Variants in ST18 observed in about 807,000 individuals in gnomAD.
The protein encoded by ST18 is ST18 C2H2C-type zinc finger transcription factor.
ST18 carries 50 observed loss-of-function variants against 110.0 expected under a neutral mutation model. The observed-to-expected ratio is 0.45, with a 90% CI of 0.36 to 0.58. The LOEUF is 0.58. Among genes scored for constraint, ST18 ranks in the 20% least tolerant of loss-of-function variants. The pLI, the probability that ST18 is intolerant of heterozygous loss-of-function variation, is 0.00. For synonymous variants in ST18, 461 were observed against 452.4 expected, an observed-to-expected ratio of 1.02 and a Z score of -0.24; for missense variants, 1,306 against 1,280.1, an observed-to-expected ratio of 1.02 and a Z score of -0.31.
chr8:52,241,022 C>T (rs1032799485), intron 2 of ST18, among the ~76,000 whole-genome samples: 3 of 152,210 alleles, frequency 2.0e-5, no homozygotes, highest in Admixed American at 6.5e-5. Flanking sequence ...CAACCTCTTC[C>T]TTCTGAATCT....
intron 3 of ST18, among the ~76,000 whole-genome samples, chr8:52,225,152 T>C (rs553656907): frequency 2.1e-4 from 32 of 152,364 alleles, no homozygotes; most frequent in African/African-American, 7.5e-4. Flanking sequence ...AACATAGATC[T>C]CTTCTCCTTA....
intron 2 of ST18, among the ~76,000 whole-genome samples, chr8:52,243,688 G>A (rs760250595): frequency 5.3e-5 from 8 of 152,200 alleles, no homozygotes; most frequent in Admixed American, 2.0e-4. Context: ...GCCTGGCACA[G>A]TGTAAGCACT....
chr8:52,221,300 A>T (rs1378653178), intron 4 of ST18, among the ~76,000 whole-genome samples: 1 of 152,194 alleles, frequency 6.6e-6, no homozygotes, highest in Non-Finnish European at 1.5e-5. Context: ...TCCAAAATGT[A>T]TTCTTTTGTT....
chr8:52,257,614 C>T (rs1045851523), intron 2 of ST18, among the ~76,000 whole-genome samples: 2 of 151,896 alleles, frequency 1.3e-5, no homozygotes, highest in African/African-American at 4.8e-5. Context: ...AGCTTTTACC[C>T]AGTTTTAAGT....
At position 52,362,047 on chromosome 8, in the gene ST18, A is replaced by G. The variant is rs536781151; in HGVS notation, c.-465+47281T>C. ...TCTAGTTCAAAATTTTAAAAACACT[A>G]CCTGGCTTTTAATTTATCAAAAGAG... is the stretch of plus-strand genomic sequence containing the variant. On this transcript the variant is annotated intron_variant, in intron 2 of 25. Coordinates refer to ENST00000689386, the MANE Select transcript of ST18 (RefSeq NM_001352837.2). Among the ~76,000 whole-genome samples the G allele has an allele frequency of 2.6e-5, 4 of 152,226 alleles. 1 individual carries two copies. The highest frequency in any genetic ancestry group is 9.6e-5 in the African/African-American group (4 of 41,538).
chr8:52,214,087 A>G, intron 7 of ST18, 116 bp downstream of exon 7: 1 of 1,126,958 alleles, frequency 8.9e-7, no homozygotes. Flanking sequence ...GATTTGAAAA[A>G]AGAAGCCCTG....
At chr8:52,269,963 G>C (rs6473699) in intron 2 of ST18, among the ~76,000 whole-genome samples, 8,578 of 152,120 alleles carry the variant, frequency 0.056, 814 homozygotes, top group African/African-American at 0.2. Flanking sequence ...TCATCCTTGA[G>C]TTTAAAAAAC....
chr8:52,140,444 G>C lies in ST18; in HGVS notation c.2168+2486C>G, dbSNP rs137870832. Among the ~76,000 whole-genome samples, 930 of 152,078 alleles carry C rather than the reference G, an allele frequency of 6.1e-3. 8 individuals carry two copies. Among genetic ancestry groups the C allele is most frequent in the East Asian group, 0.016 (84 of 5,162 alleles). On this transcript the variant is annotated intron_variant, in intron 17 of 25. Coordinates refer to ENST00000689386, the MANE Select transcript of ST18 (RefSeq NM_001352837.2). ...GCCTGGGAGGTTGAGGTGGGAGATT[G>C]AACTGGGAGGTGGAGCTTGCAGTGA... is the stretch of plus-strand genomic sequence containing the variant.
intron 2 of ST18, among the ~76,000 whole-genome samples, chr8:52,287,689 T>C (rs962805521): frequency 2.6e-5 from 4 of 152,162 alleles, no homozygotes; most frequent in African/African-American, 9.7e-5. Flanking sequence ...TGGCATTGCA[T>C]ATACAAAGGG....
chr8:52,364,249 T>G (rs1182665734), intron 2 of ST18, among the ~76,000 whole-genome samples: 2 of 152,176 alleles, frequency 1.3e-5, no homozygotes, highest in Non-Finnish European at 2.9e-5. Flanking sequence ...TTGCTTTTTT[T>G]TCATCCTCTA....
intron 2 of ST18, among the ~76,000 whole-genome samples, chr8:52,373,203 G>T (rs1449026572): frequency 2.0e-5 from 3 of 152,084 alleles, no homozygotes; most frequent in Non-Finnish European, 4.4e-5. Flanking sequence ...AATCAGCCTG[G>T]GAGACAGAAG....
Position 52,205,795 on chromosome 8 carries a change from T to G in ST18, c.86+6284A>C, listed in dbSNP as rs935089227. On this transcript the variant is annotated intron_variant, in intron 8 of 25. Transcript: ENST00000689386. ...GTTGGCCAAGCTGGTCTCAAACTCC[T>G]AACCTCAAGCGTTCCACCTGCCTTA... Among the ~76,000 whole-genome samples, 8 of 152,218 alleles carry G rather than the reference T, an allele frequency of 5.3e-5. No individual in the cohort carries two copies. In the East Asian group the frequency reaches 1.5e-3, roughly 29 times the overall value.
chr8:52,128,659 G>A (rs913307476), intron 22 of ST18, among the ~76,000 whole-genome samples: 5 of 152,142 alleles, frequency 3.3e-5, no homozygotes, highest in Admixed American at 6.5e-5. Context: ...GTTGAGAAAA[G>A]TCTATGCACT....
At chr8:52,114,971 AT>A (rs1377795431) in intron 25 of ST18, among the ~76,000 whole-genome samples, 2 of 152,264 alleles carry the variant, frequency 1.3e-5, no homozygotes, top group African/African-American at 4.8e-5. Flanking sequence ...AGGAATGCAT[AT>A]TCAAAGTATG....
At chr8:52,253,072 G>A (rs1405689668) in intron 2 of ST18, among the ~76,000 whole-genome samples, 1 of 151,310 alleles carries the variant, frequency 6.6e-6, no homozygotes, top group African/African-American at 2.4e-5. Flanking sequence ...TGCAGTATTA[G>A]CTGTGGCATG....
Position 52,266,980 on chromosome 8 carries a change from G to A in ST18, c.-464-36903C>T, listed in dbSNP as rs2094892542. On this transcript the variant is annotated intron_variant, in intron 2 of 25. Coordinates refer to ENST00000689386, the MANE Select transcript of ST18 (RefSeq NM_001352837.2). ...GGAGAGGAGAAAGATTAAGCCTTAA[G>A]CTGGTGAATACAATTGAGGGCAGGT... 2.0e-5 allele frequency among the ~76,000 whole-genome samples: 3 copies of A among 152,150 alleles called. No homozygotes were observed. In the South Asian group the frequency reaches 6.2e-4, roughly 32 times the overall value.
intron 2 of ST18, among the ~76,000 whole-genome samples, chr8:52,359,860 A>G (rs942606671): frequency 6.6e-6 from 1 of 152,164 alleles, no homozygotes; most frequent in African/African-American, 2.4e-5. Context: ...ACACATTAAG[A>G]TTGATAAAAG....
intron 2 of ST18, among the ~76,000 whole-genome samples, chr8:52,320,468 C>A (rs548537618): frequency 6.6e-6 from 1 of 152,098 alleles, no homozygotes; most frequent in East Asian, 1.9e-4. Flanking sequence ...ACATGTAATT[C>A]ACAAGGAATT....
chr8:52,287,420 G>T (rs1247174333), intron 2 of ST18, among the ~76,000 whole-genome samples: 1 of 152,164 alleles, frequency 6.6e-6, no homozygotes, highest in Non-Finnish European at 1.5e-5. Flanking sequence ...CAAAGAGGAG[G>T]TAGGGAAGCC....
Sources: allele counts gnomAD v4.1 joint callset (sites outside exome capture counted in the v4.1 genomes callset), GRCh38; gene constraint gnomAD v4.1.1; transcripts MANE v1.5; gene names NCBI Gene and HGNC (gene_info 2026-07-23, HGNC 2026-07-21).